The following WDR7 variants were observed in gnomAD, a reference collection of about 807,000 sequenced individuals.
The protein encoded by WDR7 is WD repeat-containing protein 7.
WDR7 carries 46 observed loss-of-function variants against 169.4 expected under a neutral mutation model. The ratio of observed to expected loss-of-function variants is 0.27; its 90% CI spans 0.21 to 0.35. WDR7 has a LOEUF of 0.35. WDR7 is among the 10% of genes least tolerant of loss of function. WDR7 has a pLI of 1.00. For missense variants in WDR7, 1,534 were observed against 1,859.3 expected (o/e 0.83, Z 3.22); for synonymous variants, 612 against 666.8 (o/e 0.92, Z 1.27).
At chr18:56,925,446 A>G (rs952436856) in intron 22 of WDR7, among the ~76,000 whole-genome samples, 2 of 152,038 alleles carry the variant, frequency 1.3e-5, no homozygotes, top group African/African-American at 4.8e-5. Flanking sequence ...TTTTTAGTAT[A>G]ATCATCCCAG....
At chr18:56,806,865 A>T (rs2044781809) in intron 19 of WDR7, among the ~76,000 whole-genome samples, 2 of 152,084 alleles carry the variant, frequency 1.3e-5, no homozygotes, top group Non-Finnish European at 2.9e-5. Flanking sequence ...CACAGTTATT[A>T]TACCTATTGC....
intron 26 of WDR7, among the ~76,000 whole-genome samples, chr18:57,010,665 A>T (rs896841408): frequency 1.3e-5 from 2 of 152,232 alleles, no homozygotes; most frequent in African/African-American, 4.8e-5. Context: ...AAGAAAAGAC[A>T]TATCAATTAT....
chr18:56,686,179 G>T, intron 6 of WDR7, 147 bp downstream of exon 6: 1 of 603,708 alleles, frequency 1.7e-6, no homozygotes, highest in Non-Finnish European at 2.7e-6. Flanking sequence ...TAGTATGGAA[G>T]ATTCTCTAGT....
chr18:56,958,090 C>T (rs117447809), intron 25 of WDR7, among the ~76,000 whole-genome samples: 1 of 152,074 alleles, frequency 6.6e-6, no homozygotes, highest in African/African-American at 2.4e-5. Context: ...ATAGGGAGTG[C>T]CAAAGTTATT....
chr18:56,880,790 C>G (rs2046095203), intron 21 of WDR7, among the ~76,000 whole-genome samples: 1 of 152,144 alleles, frequency 6.6e-6, no homozygotes. Flanking sequence ...AGGGCTGTGT[C>G]ATTCTACTCT....
At chr18:56,901,994 T>G (rs572098461) in intron 21 of WDR7, among the ~76,000 whole-genome samples, 51 of 152,234 alleles carry the variant, frequency 3.4e-4, no homozygotes, top group African/African-American at 1.2e-3. Context: ...CTTCAGACTT[T>G]TAAGTGCTAC....
chr18:56,992,024 C>T (rs552259179), intron 26 of WDR7, among the ~76,000 whole-genome samples: 1 of 152,318 alleles, frequency 6.6e-6, no homozygotes, highest in African/African-American at 2.4e-5. Context: ...GAGTCCTGCT[C>T]AGTGTAAAAT....
At chr18:56,786,000 T>C (rs2044393847) in intron 19 of WDR7, among the ~76,000 whole-genome samples, 1 of 152,094 alleles carries the variant, frequency 6.6e-6, no homozygotes, top group African/African-American at 2.4e-5. Context: ...AGAAACTCTT[T>C]GTAACGCTTT....
At chr18:57,008,763 A>G (rs1233550252) in intron 26 of WDR7, among the ~76,000 whole-genome samples, 1 of 152,136 alleles carries the variant, frequency 6.6e-6, no homozygotes, top group Non-Finnish European at 1.5e-5. Context: ...GCACCATACC[A>G]TAGTCGCTTA....
chr18:56,832,777 A>G (rs141444077), intron 20 of WDR7, among the ~76,000 whole-genome samples: 2,114 of 152,286 alleles, frequency 0.014, 29 homozygotes, highest in East Asian at 0.035. Context: ...AACAAACAGA[A>G]AGGAATAGCA....
chr18:56,777,934 A>G (rs2044264635), intron 17 of WDR7, among the ~76,000 whole-genome samples: 1 of 152,226 alleles, frequency 6.6e-6, no homozygotes, highest in African/African-American at 2.4e-5. Flanking sequence ...TTGTTACACT[A>G]TTTGTTAATT....
chr18:57,020,950 C>T, intron 27 of WDR7, 101 bp downstream of exon 27: 2 of 947,346 alleles, frequency 2.1e-6, no homozygotes, highest in South Asian at 1.5e-5. Flanking sequence ...CCTTCCTGTC[C>T]TCCCTCCCTC....
At chr18:56,954,772 G>A (rs28687931) in intron 25 of WDR7, among the ~76,000 whole-genome samples, 16,431 of 152,084 alleles carry the variant, frequency 0.11, 2,823 homozygotes, top group African/African-American at 0.36. Flanking sequence ...TTGGGGAAAC[G>A]TTATAGCTAT....
chr18:56,732,288 T>C (rs2026603455), intron 14 of WDR7, among the ~76,000 whole-genome samples: 2 of 152,232 alleles, frequency 1.3e-5, no homozygotes, highest in Admixed American at 1.3e-4. Flanking sequence ...TTAGCACTAG[T>C]TTGTCTCTAG....
intron 21 of WDR7, among the ~76,000 whole-genome samples, chr18:56,922,349 G>T (rs560608502): frequency 2.6e-5 from 4 of 152,026 alleles, no homozygotes; most frequent in African/African-American, 4.8e-5. Flanking sequence ...ACTTACTGAG[G>T]AAAAGGGAAA....
intron 12 of WDR7, 80 bp downstream of exon 12, chr18:56,696,542 G>C: frequency 2.6e-6 from 3 of 1,167,580 alleles, no homozygotes; most frequent in Non-Finnish European, 3.6e-6. Context: ...ATGGAATCTA[G>C]ACTAACTTAA....
intron 17 of WDR7, among the ~76,000 whole-genome samples, chr18:56,777,265 G>T (rs1234819112): frequency 6.6e-6 from 1 of 152,152 alleles, no homozygotes; most frequent in Non-Finnish European, 1.5e-5. Context: ...TTTCACAATT[G>T]TGTATGCCAG....
intron 20 of WDR7, 24 bp from the exon 21 acceptor site, chr18:56,879,920 G>A (rs555289171): frequency 6.4e-7 from 1 of 1,561,572 alleles, no homozygotes; most frequent in African/African-American, 1.4e-5. Context: ...GTTCTAAGTT[G>A]AGATTCTATG....
intron 22 of WDR7, among the ~76,000 whole-genome samples, chr18:56,933,100 C>G (rs907171474): frequency 1.3e-5 from 2 of 152,148 alleles, no homozygotes; most frequent in Non-Finnish European, 2.9e-5. Flanking sequence ...TAGGAGGACA[C>G]TGTAACTCTT....
Sources: gnomAD v4.1 joint callset for allele counts (sites outside exome capture counted in the v4.1 genomes callset) on GRCh38, gnomAD v4.1.1 for gene constraint, MANE v1.5 for transcripts, NCBI Gene and HGNC (gene_info 2026-07-23, HGNC 2026-07-21) for gene names.